Variants in MARCHF8 observed in about 807,000 individuals in gnomAD.
MARCHF8 encodes membrane associated ring-CH-type finger 8.
In MARCHF8, 40 loss-of-function variants were observed where a neutral mutation model predicts 51.6. That is an observed-to-expected ratio of 0.77 (90% CI 0.60 to 1.01). The LOEUF (loss-of-function observed/expected upper bound fraction) is 1.01. Among genes scored for constraint, MARCHF8 ranks in the 50% least tolerant of loss-of-function variants. The pLI, the probability that MARCHF8 is intolerant of heterozygous loss-of-function variation, is 0.00. For synonymous variants in MARCHF8, 263 were observed against 280.3 expected (o/e 0.94, Z 0.62); for missense variants, 685 against 708.6 (o/e 0.97, Z 0.38).
chr10:45,564,442 GA>G (rs1220939110), intron 1 of MARCHF8, among the ~76,000 whole-genome samples: 1 of 151,872 alleles, frequency 6.6e-6, no homozygotes, highest in Admixed American at 6.6e-5. Flanking sequence ...CTGAAAAACA[GA>G]AAAAAAGACT....
At chr10:45,535,601 T>A (rs190522246), upstream of MARCHF8, among the ~76,000 whole-genome samples, 31 of 152,206 alleles carry the variant, frequency 2.0e-4, no homozygotes, top group Non-Finnish European at 4.0e-4. Context: ...TGAAACAATC[T>A]CCCTCCTATG....
intron 1 of MARCHF8, among the ~76,000 whole-genome samples, chr10:45,577,121 G>A (rs1337033954): frequency 6.6e-6 from 1 of 152,094 alleles, no homozygotes; most frequent in African/African-American, 2.4e-5. Flanking sequence ...GCCAGGCACA[G>A]AAAGAGAAAC....
At chr10:45,461,686 T>C in intron 5 of MARCHF8, 3 of 279,766 alleles carry the variant, frequency 1.1e-5, no homozygotes, top group Non-Finnish European at 2.0e-5. Flanking sequence ...TGGTAAGAAA[T>C]AAGAACTTCA....
intron 2 of MARCHF8, among the ~76,000 whole-genome samples, chr10:45,500,578 C>T (rs894578393): frequency 2.0e-5 from 3 of 152,036 alleles, no homozygotes; most frequent in African/African-American, 4.8e-5. Context: ...CATATATGGC[C>T]TTTATTATGT....
intron 1 of MARCHF8, among the ~76,000 whole-genome samples, chr10:45,584,345 G>A (rs2044594286): frequency 1.3e-5 from 2 of 151,420 alleles, no homozygotes; most frequent in South Asian, 4.2e-4. Flanking sequence ...AATACATACA[G>A]AATAAAATTA....
intron 1 of MARCHF8, among the ~76,000 whole-genome samples, chr10:45,553,709 G>C (rs2044220731): frequency 6.6e-6 from 1 of 152,164 alleles, no homozygotes; most frequent in Non-Finnish European, 1.5e-5. Flanking sequence ...TACTTCTATG[G>C]AGTGATCAGC....
intron 1 of MARCHF8, among the ~76,000 whole-genome samples, chr10:45,552,372 A>C (rs930161309): frequency 1.3e-5 from 2 of 152,108 alleles, no homozygotes; most frequent in African/African-American, 2.4e-5. Context: ...CATTCTTTTC[A>C]ATTTTCTCCA....
rs191671857 is a variant in MARCHF8, at chr10:45,504,018, C to T, written c.103-14601G>A. Among the ~76,000 whole-genome samples the T allele has an allele frequency of 2.9e-3, 435 of 152,154 alleles. 3 individuals are homozygous for T. The highest frequency in any genetic ancestry group is 9.9e-3 in the African/African-American group (412 of 41,510). On this transcript the variant is annotated intron_variant, in intron 2 of 7. Coordinates refer to ENST00000453424, the MANE Select transcript of MARCHF8 (RefSeq NM_001282866.2). ...GCTAATGGGTAGAGGGTTTCATTTT[C>T]GGGTGATGAAAATGTTCTGGACTGG...
chr10:45,508,251 T>C (rs2043424322), intron 2 of MARCHF8, among the ~76,000 whole-genome samples: 1 of 151,842 alleles, frequency 6.6e-6, no homozygotes, highest in Non-Finnish European at 1.5e-5. Context: ...AATAAAAAAT[T>C]TGAGATACTT....
At chr10:45,552,795 T>C (rs1293276847) in intron 1 of MARCHF8, among the ~76,000 whole-genome samples, 1 of 152,234 alleles carries the variant, frequency 6.6e-6, no homozygotes, top group Non-Finnish European at 1.5e-5. Context: ...TTTCTGCTAC[T>C]ACCAGTTGAA....
rs1426707246 is a variant in MARCHF8, at chr10:45,458,327, T to C, written c.1634A>G (p.Lys545Arg). The C allele has an allele frequency of 1.2e-5, 20 of 1,614,188 alleles. No individual in the cohort carries two copies. Among genetic ancestry groups the C allele is most frequent in the Admixed American group, 1.7e-5 (1 of 60,024 alleles). Residue 545 changes from lysine to arginine, a missense_variant, in exon 8 of 8, where the codon AAA becomes AGA. Coordinates refer to ENST00000453424, the MANE Select transcript of MARCHF8 (RefSeq NM_001282866.2). The part of the protein sequence containing the change: ...SPLTEPNFEN[K>R]HGYGICHSDT... ...GGAATGACAGATTCCATATCCATGT[T>C]TATTTTCAAAGTTGGGCTCTGTTAG...
intron 3 of MARCHF8, among the ~76,000 whole-genome samples, chr10:45,473,151 T>C (rs2042724715): frequency 6.6e-6 from 1 of 152,214 alleles, no homozygotes; most frequent in South Asian, 2.1e-4. Flanking sequence ...ATACGTGACA[T>C]TCTGCTGTAT....
At chr10:45,577,434 T>C (rs981728536) in intron 1 of MARCHF8, among the ~76,000 whole-genome samples, 2 of 152,180 alleles carry the variant, frequency 1.3e-5, no homozygotes, top group African/African-American at 2.4e-5. Flanking sequence ...TGCCGCGATA[T>C]GATTATTTCA....
At chr10:45,516,965 G>GT (rs1297484932) in intron 2 of MARCHF8, among the ~76,000 whole-genome samples, 3 of 152,182 alleles carry the variant, frequency 2.0e-5, no homozygotes, top group Non-Finnish European at 4.4e-5. Context: ...TAAAATATAT[G>GT]TATGTACCTC....
chr10:45,580,885 T>C (rs886279477), intron 1 of MARCHF8, among the ~76,000 whole-genome samples: 3 of 152,208 alleles, frequency 2.0e-5, no homozygotes, highest in African/African-American at 7.2e-5. Context: ...CACCCATCTG[T>C]GTGCTGCCAG....
Position 45,507,107 on chromosome 10 carries a change from C to A in MARCHF8, c.103-17690G>T, listed in dbSNP as rs192412280. Among the ~76,000 whole-genome samples the A allele has an allele frequency of 1.4e-3, 217 of 152,292 alleles. 1 individual carries two copies. Among genetic ancestry groups the A allele is most frequent in the African/African-American group, 4.9e-3 (202 of 41,566 alleles). On this transcript the variant is annotated intron_variant, in intron 2 of 7. Coordinates refer to ENST00000453424, the MANE Select transcript of MARCHF8 (RefSeq NM_001282866.2). The stretch of plus-strand genomic sequence containing the variant: ...GCAACAGCTCACAATTATCCACTCC[C>A]TAGTTTTCTCTGTGTAATAAAAGTT...
At position 45,475,406 on chromosome 10, in the gene MARCHF8, G is replaced by A. The variant is rs900198170; in HGVS notation, c.154-11079C>T. On this transcript the variant is annotated intron_variant, in intron 3 of 7. Coordinates refer to ENST00000453424, the MANE Select transcript of MARCHF8 (RefSeq NM_001282866.2). ...ACTGTTAGAGCCTGAATGCATCCCC[G>A]GGGGGGGCTGAAGTATGTCCTACCC... is the stretch of plus-strand genomic sequence containing the variant. Among the ~76,000 whole-genome samples, 5 of 82,904 alleles carry A rather than the reference G, an allele frequency of 6.0e-5. No individual in the cohort carries two copies. The East Asian group carries it at 8.0e-4, about 13-fold the overall frequency. The allele number at this position is 82,904 out of a possible 152,430, so 54.4% of individuals were successfully genotyped here. A position where few individuals can be genotyped will look rare whatever the true frequency, so the allele number is the denominator to read the frequency against.
At chr10:45,487,060 T>C (rs11239537) in intron 3 of MARCHF8, among the ~76,000 whole-genome samples, 48,631 of 151,144 alleles carry the variant, frequency 0.32, 7,958 homozygotes, top group Admixed American at 0.37. Flanking sequence ...ATCCGCCCGC[T>C]TCAGCCTCCC....
intron 3 of MARCHF8, among the ~76,000 whole-genome samples, chr10:45,483,920 G>A (rs1433822134): frequency 6.6e-6 from 1 of 152,096 alleles, no homozygotes; most frequent in Non-Finnish European, 1.5e-5. Flanking sequence ...CAGGAGTGGG[G>A]GATAAAGAGA....
Sources: gnomAD v4.1 joint callset for allele counts (sites outside exome capture counted in the v4.1 genomes callset) on GRCh38, gnomAD v4.1.1 for gene constraint, MANE v1.5 for transcripts, NCBI Gene and HGNC (gene_info 2026-07-23, HGNC 2026-07-21) for gene names.